Variants in HSD17B12 observed in about 807,000 individuals in gnomAD.
The protein encoded by HSD17B12 is hydroxysteroid 17-beta dehydrogenase 12, also known as very-long-chain 3-oxoacyl-CoA reductase.
Under a neutral mutation model 39.3 loss-of-function variants are expected in HSD17B12, and 32 were observed. The observed-to-expected ratio is 0.81, with a 90% CI of 0.61 to 1.09. The LOEUF is 1.09. Among genes scored for constraint, HSD17B12 ranks in the 50% least tolerant of loss-of-function variants. HSD17B12 has a pLI of 0.00. For missense variants in HSD17B12, 342 were observed against 382.9 expected (o/e 0.89, Z 0.89); for synonymous variants, 150 against 146.7 (o/e 1.02, Z -0.16).
At chr11:43,749,295 T>A (rs577713455) in intron 1 of HSD17B12, among the ~76,000 whole-genome samples, 25 of 152,290 alleles carry the variant, frequency 1.6e-4, no homozygotes, top group Non-Finnish European at 3.1e-4. Flanking sequence ...TTAACAAATT[T>A]TATTATGGAA....
chr11:43,727,054 T>G (rs1215221212), intron 1 of HSD17B12, among the ~76,000 whole-genome samples: 2 of 152,214 alleles, frequency 1.3e-5, no homozygotes, highest in Non-Finnish European at 2.9e-5. Context: ...GTGAACTTAC[T>G]TAAATATACT....
At chr11:43,567,329 C>T in the HSD17B12 span, among the ~76,000 whole-genome samples, 1 of 152,172 alleles carries the variant, frequency 6.6e-6, no homozygotes, top group Non-Finnish European at 1.5e-5. Context: ...AAGAACCATC[C>T]ATTCTAGCCC....
At chr11:43,717,042 A>T (rs763390022) in intron 1 of HSD17B12, among the ~76,000 whole-genome samples, 4 of 152,282 alleles carry the variant, frequency 2.6e-5, no homozygotes, top group Non-Finnish European at 4.4e-5. Flanking sequence ...AGCTGGGCTA[A>T]AAATAGCTCC....
the HSD17B12 span, among the ~76,000 whole-genome samples, chr11:43,634,732 C>T: frequency 6.6e-6 from 1 of 152,152 alleles, no homozygotes. Flanking sequence ...GATTGAATGA[C>T]ATGAGGTGGT....
intron 1 of HSD17B12, among the ~76,000 whole-genome samples, chr11:43,723,452 A>G (rs1364261521): frequency 6.6e-6 from 1 of 152,224 alleles, no homozygotes; most frequent in Non-Finnish European, 1.5e-5. Flanking sequence ...TTCCTATTTT[A>G]GGATATTATC....
intron 3 of HSD17B12, among the ~76,000 whole-genome samples, chr11:43,774,130 C>T (rs1194120304): frequency 6.6e-6 from 1 of 152,084 alleles, no homozygotes; most frequent in Non-Finnish European, 1.5e-5. Context: ...TGTTACTACG[C>T]TGTAGGGCAA....
chr11:43,717,770 T>G (rs1157211276), intron 1 of HSD17B12, among the ~76,000 whole-genome samples: 2 of 152,044 alleles, frequency 1.3e-5, no homozygotes, highest in Admixed American at 6.6e-5. Flanking sequence ...ATCTGAAAGT[T>G]ATACACTGTC....
chr11:43,789,952 C>A lies in HSD17B12; in HGVS notation c.284-8368C>A, dbSNP rs187274673. Among the ~76,000 whole-genome samples, 7 of 152,170 alleles carry A rather than the reference C, an allele frequency of 4.6e-5. 1 individual carries two copies. The South Asian group carries it at 1.0e-3, about 23-fold the overall frequency. ...GTCCCACTGCCCACTGCCTCCCCCC[C>A]GCAAAAAAGAGAGAGAAGCGTGACT... On this transcript the variant is annotated intron_variant, in intron 3 of 10. Coordinates refer to ENST00000278353, the MANE Select transcript of HSD17B12 (RefSeq NM_016142.3).
rs114514032 is a variant in HSD17B12 at position 43,793,572 on chromosome 11, A to G, written c.284-4748A>G. 2.7e-3 allele frequency among the ~76,000 whole-genome samples: 413 copies of G among 152,346 alleles called. 3 individuals carry two copies. Among genetic ancestry groups the G allele is most frequent in the African/African-American group, 9.5e-3 (394 of 41,580 alleles). ...CAATTTGTTGAGCAAAATGAAAATG[A>G]TGATGGCCAGAGCTGGAAGTATGGT... On this transcript the variant is annotated intron_variant, in intron 3 of 10. Coordinates refer to ENST00000278353, the MANE Select transcript of HSD17B12 (RefSeq NM_016142.3).
intron 7 of HSD17B12, among the ~76,000 whole-genome samples, chr11:43,837,679 C>T (rs1405572044): frequency 6.6e-6 from 1 of 152,122 alleles, no homozygotes; most frequent in Non-Finnish European, 1.5e-5. Flanking sequence ...TTAGAGTCAA[C>T]TCTTTGTTGG....
chr11:43,744,565 T>C (rs557097418), intron 1 of HSD17B12, among the ~76,000 whole-genome samples: 17 of 152,282 alleles, frequency 1.1e-4, no homozygotes, highest in African/African-American at 3.8e-4. Context: ...ATTTAAAAAA[T>C]GTTGTCTTTT....
upstream of HSD17B12, among the ~76,000 whole-genome samples, chr11:43,677,549 G>A (rs572135204): frequency 3.3e-5 from 5 of 152,174 alleles, no homozygotes; most frequent in South Asian, 2.1e-4. Context: ...CCACTAACTC[G>A]TCATTTACAT....
At chr11:43,613,598 AT>A in the HSD17B12 span, among the ~76,000 whole-genome samples, 1 of 151,668 alleles carries the variant, frequency 6.6e-6, no homozygotes, top group African/African-American at 2.4e-5. Flanking sequence ...TATTATTTTA[AT>A]TTTTATTCTT....
chr11:43,759,191 C>A (rs1458121422), intron 3 of HSD17B12, among the ~76,000 whole-genome samples: 3 of 151,290 alleles, frequency 2.0e-5, no homozygotes, highest in Non-Finnish European at 4.4e-5. Flanking sequence ...AAATCAAGGA[C>A]TTTTTTTTTG....
chr11:43,696,927 C>A (rs1399379909), intron 1 of HSD17B12, among the ~76,000 whole-genome samples: 1 of 151,708 alleles, frequency 6.6e-6, no homozygotes, highest in Non-Finnish European at 1.5e-5. Flanking sequence ...GACCAAACAC[C>A]ACATGTTCTC....
At chr11:43,766,393 G>A (rs1048970337) in intron 3 of HSD17B12, among the ~76,000 whole-genome samples, 8 of 151,960 alleles carry the variant, frequency 5.3e-5, no homozygotes, top group African/African-American at 1.9e-4. Flanking sequence ...ATTCTTTATT[G>A]TCCAATGTCT....
the HSD17B12 span, among the ~76,000 whole-genome samples, chr11:43,578,372 G>A: frequency 1.3e-5 from 2 of 152,134 alleles, no homozygotes; most frequent in Non-Finnish European, 2.9e-5. Flanking sequence ...GCCCGGGCCG[G>A]GGGATGAGAG....
At chr11:43,683,461 T>G (rs903854930) in intron 1 of HSD17B12, among the ~76,000 whole-genome samples, 1 of 152,122 alleles carries the variant, frequency 6.6e-6, no homozygotes, top group Admixed American at 6.5e-5. Context: ...ATCTTCAAAT[T>G]CTGGGACTCT....
chr11:43,596,627 A>G, the HSD17B12 span, among the ~76,000 whole-genome samples: 4 of 152,004 alleles, frequency 2.6e-5, no homozygotes, highest in African/African-American at 9.7e-5. Context: ...ATTTATAGAA[A>G]CAAGGTATCG....
Sources: allele counts gnomAD v4.1 joint callset (sites outside exome capture counted in the v4.1 genomes callset), GRCh38; gene constraint gnomAD v4.1.1; transcripts MANE v1.5; gene names NCBI Gene and HGNC (gene_info 2026-07-23, HGNC 2026-07-21).